CCDC107: variants seen among roughly 807,000 people sequenced by gnomAD.
The protein encoded by CCDC107 is coiled-coil domain containing 107.
CCDC107 carries 17 observed loss-of-function variants against 17.9 expected under a neutral mutation model. The ratio of observed to expected loss-of-function variants is 0.95; its 90% CI spans 0.65 to 1.42. CCDC107 has a LOEUF of 1.42. Among genes scored for constraint, CCDC107 ranks in the 40% most tolerant of loss-of-function variants. The probability of loss-of-function intolerance (pLI) is 0.00; values close to 1 mark genes in which losing one functional copy is unlikely to be tolerated. For synonymous variants in CCDC107, 170 were observed against 157.2 expected, an observed-to-expected ratio of 1.08 and a Z score of -0.61; for missense variants, 388 against 360.1, an observed-to-expected ratio of 1.08 and a Z score of -0.63.
At chr9:35,658,851 C>G (rs1357866387) in intron 2 of CCDC107, 124 bp downstream of exon 2, 1 of 544,684 alleles carries the variant, frequency 1.8e-6, no homozygotes, top group African/African-American at 2.0e-5. Flanking sequence ...GCTTCCCTGT[C>G]TGTAAAATAA....
intron 2 of CCDC107, chr9:35,658,961 A>G (rs1247680406): frequency 8.0e-5 from 32 of 400,154 alleles, no homozygotes; most frequent in Non-Finnish European, 4.5e-6. Context: ...AATAATGACT[A>G]TCACATTTAG....
Position 35,661,095 on chromosome 9 carries a change from A to G in CCDC107, c.760A>G (p.Ser254Gly). 2.5e-6 allele frequency: 4 copies of G among 1,614,200 alleles called. No homozygotes were observed. The highest frequency in any genetic ancestry group is 1.7e-4 in the Middle Eastern group (1 of 6,058). Residue 254 changes from serine (S) to glycine (G), a missense_variant, in exon 5 of 5, where the codon AGC becomes GGC. Ser to Gly is a moderately conservative substitution (Grantham distance 56). Coordinates refer to ENST00000426546, the MANE Select transcript of CCDC107 (RefSeq NM_174923.3). Reference sequence around the variant, plus strand: ...GGGGCGGGGACTACGGAGAAGGTGCAGCCAGGCTGTGGCAAAGGGCCCCAG... The same window carrying G: ...GGGGCGGGGACTACGGAGAAGGTGCGGCCAGGCTGTGGCAAAGGGCCCCAG... Reference protein sequence around the residue: ...EVGRGLRRRCSQAVAKGPSHS... With the variant: ...EVGRGLRRRCGQAVAKGPSHS...
At position 35,660,843 on chromosome 9, in the gene CCDC107, G is replaced by A. The variant is rs764380931; in HGVS notation, c.508G>A (p.Glu170Lys). The change falls in exon 5 of 5, where the codon GAG becomes AAG. Residue 170 changes from glutamate (E) to lysine (K), a missense_variant. Coordinates refer to ENST00000426546, the MANE Select transcript of CCDC107 (RefSeq NM_174923.3). ...LQDSKPDKDM[E>K]ASEPGEGSGG... ...AGATAGCAAGCCGGACAAGGATATGGAGGCTTCAGAACCAGGTGAAGGCTC... is the reference window on the plus strand; with the variant it reads ...AGATAGCAAGCCGGACAAGGATATGAAGGCTTCAGAACCAGGTGAAGGCTC... The A allele has an allele frequency of 8.9e-5, 143 of 1,614,068 alleles. 1 individual carries two copies. In the South Asian group the frequency reaches 1.2e-3, roughly 13 times the overall value.
chr9:35,658,433 G>T lies in CCDC107; in HGVS notation c.54G>T (p.Ala18=). 1 of 1,465,114 alleles carries T rather than the reference G, an allele frequency of 6.8e-7. No individual in the cohort carries two copies. Among genetic ancestry groups the T allele is most frequent in the South Asian group, 1.3e-5 (1 of 74,212 alleles). 90.8% of individuals were successfully genotyped at this position (1,465,114 alleles called of 1,614,324 possible). A position where few individuals can be genotyped will look rare whatever the true frequency, so the allele number is the denominator to read the frequency against. ...LGVVGLLLVS[A]LSGVLGDRAN... ...TGGTGGGGCTGCTGCTTGTGTCTGC[G>T]CTGTCCGGGGTCCTAGGAGACCGCG... Residue 18 remains alanine (A), a synonymous_variant, in exon 1 of 5, where the codon GCG becomes GCT. Coordinates refer to ENST00000426546, the MANE Select transcript of CCDC107 (RefSeq NM_174923.3).
At position 35,660,362 on chromosome 9, in the gene CCDC107, T is replaced by C; in HGVS notation, c.259-39T>C. The C allele has an allele frequency of 2.6e-6, 4 of 1,529,908 alleles. No homozygotes were observed. The East Asian group carries it at 6.8e-5, about 26-fold the overall frequency. 94.8% of individuals were successfully genotyped at this position (1,529,908 alleles called of 1,614,324 possible). ...GAGACTGAGGTGATGGAGCAGAACC[T>C]TGTTGCTTCAGTACTGCCCTTTCCT... On this transcript the variant is annotated intron_variant, in intron 2 of 4. Transcript: ENST00000426546.
In CCDC107 at chr9:35,661,211, C is replaced by T. The variant is rs1321799374; in HGVS notation, c.*24C>T. The stretch of plus-strand genomic sequence containing the variant: ...GATGGAGTGCTCCTGTGTGTTTTTT[C>T]GATCCTAGTTGGTTGTACACACCCA... On this transcript the variant is annotated 3_prime_UTR_variant, in exon 5 of 5. Coordinates refer to ENST00000426546, the MANE Select transcript of CCDC107 (RefSeq NM_174923.3). 20 of 1,553,182 alleles carry T rather than the reference C, an allele frequency of 1.3e-5. No individual in the cohort carries two copies. Among genetic ancestry groups the T allele is most frequent in the South Asian group, 9.7e-5 (8 of 82,152 alleles).
Position 35,660,812 on chromosome 9 carries a change from G to A in CCDC107, c.477G>A (p.Leu159=). The change falls in exon 5 of 5, where the codon CTG becomes CTA. Residue 159 remains leucine (L), a synonymous_variant. Coordinates refer to ENST00000426546, the MANE Select transcript of CCDC107 (RefSeq NM_174923.3). ...TGAAGCTATGGACCATCCACGAGCT[G>A]CTGCAAGATAGCAAGCCGGACAAGG... The part of the protein sequence containing the change: ...LNMKLWTIHE[L]LQDSKPDKDM... The A allele has an allele frequency of 6.8e-6, 11 of 1,614,180 alleles. No homozygotes were observed. The highest frequency in any genetic ancestry group is 9.3e-6 in the Non-Finnish European group (11 of 1,180,044).
chr9:35,658,412 G>A lies in CCDC107; in HGVS notation c.33G>A (p.Val11=). Residue 11 remains valine (V), a synonymous_variant, in exon 1 of 5, where the codon GTG becomes GTA. Coordinates refer to ENST00000426546, the MANE Select transcript of CCDC107 (RefSeq NM_174923.3). ...GCGCAGTTTCGCTCTTGGGTGTGGT[G>A]GGGCTGCTGCTTGTGTCTGCGCTGT... MAGAVSLLGV[V]GLLLVSALSG... is the part of the protein sequence containing the mutation. The A allele has an allele frequency of 6.9e-7, 1 of 1,442,902 alleles. No individual in the cohort carries two copies. The highest frequency in any genetic ancestry group is 1.4e-5 in the South Asian group (1 of 70,146). The allele number at this position is 1,442,902 out of a possible 1,614,324, so 89.4% of individuals were successfully genotyped here. A position where few individuals can be genotyped will look rare whatever the true frequency, so the allele number is the denominator to read the frequency against.
At position 35,658,349 on chromosome 9, in the gene CCDC107, C is replaced by G; in HGVS notation, c.-31C>G. 1 of 1,347,548 alleles carries G rather than the reference C, an allele frequency of 7.4e-7. No individual in the cohort carries two copies. Among genetic ancestry groups the G allele is most frequent in the Non-Finnish European group, 9.5e-7 (1 of 1,048,238 alleles). The allele number at this position is 1,347,548 out of a possible 1,614,324, so 83.5% of individuals were successfully genotyped here. A position where few individuals can be genotyped will look rare whatever the true frequency, so the allele number is the denominator to read the frequency against. ...CCAATGCCGGACCGCTTCGGCACCGCCCGCCCGATCCCTCCACCCGTGGGC... is the reference window on the plus strand; with the variant it reads ...CCAATGCCGGACCGCTTCGGCACCGGCCGCCCGATCCCTCCACCCGTGGGC... On this transcript the variant is annotated 5_prime_UTR_variant, in exon 1 of 5. Transcript: ENST00000426546.
chr9:35,658,553 T>C lies in CCDC107; in HGVS notation c.107-23T>C, dbSNP rs1479471773. On this transcript the variant is annotated intron_variant, in intron 1 of 4. Coordinates refer to ENST00000426546, the MANE Select transcript of CCDC107 (RefSeq NM_174923.3). ...GGTCCCAGGCCCCAGCTCGGCTGAC[T>C]CGCCTGTATCCTCCCTCCGCAGGGA... 1.9e-6 allele frequency: 3 copies of C among 1,557,942 alleles called. No homozygotes were observed. The African/African-American group carries it at 4.2e-5, about 22-fold the overall frequency.
rs552268253 is a variant in CCDC107 at position 35,658,655 on chromosome 9, G to T, written c.186G>T (p.Arg62=). The change falls in exon 2 of 5, where the codon CGG becomes CGT. Residue 62 remains arginine (R), a synonymous_variant. Coordinates refer to ENST00000426546, the MANE Select transcript of CCDC107 (RefSeq NM_174923.3). ...TCAAGGATCAACGCGAGCGGACCCGGGCCGGGTCGCTGCCTCTGGGGGCGC... is the reference window on the plus strand; with the variant it reads ...TCAAGGATCAACGCGAGCGGACCCGTGCCGGGTCGCTGCCTCTGGGGGCGC... The part of the protein sequence containing the change: ...PPLKDQRERT[R]AGSLPLGALY... 8.2e-5 allele frequency: 129 copies of T among 1,574,636 alleles called. No homozygotes were observed. Among genetic ancestry groups the T allele is most frequent in the Non-Finnish European group, 1.1e-4 (127 of 1,166,186 alleles).
At chr9:35,658,914 G>C in intron 2 of CCDC107, 187 bp downstream of exon 2, 1 of 448,428 alleles carries the variant, frequency 2.2e-6, no homozygotes, top group Non-Finnish European at 3.9e-6. Flanking sequence ...GAGGATCCAG[G>C]GAGGTAACGG....
chr9:35,659,391 G>A (rs1042756629), intron 2 of CCDC107: 1 of 152,214 alleles, frequency 6.6e-6, no homozygotes, highest in African/African-American at 2.4e-5. Flanking sequence ...GGATAGACTA[G>A]TAAATTCTGT....
In CCDC107 at chr9:35,661,226, G is replaced by A; in HGVS notation, c.*39G>A. 1 of 1,467,018 alleles carries A rather than the reference G, an allele frequency of 6.8e-7. No homozygotes were observed. The highest frequency in any genetic ancestry group is 9.3e-7 in the Non-Finnish European group (1 of 1,071,048). The allele number at this position is 1,467,018 out of a possible 1,614,324, so 90.9% of individuals were successfully genotyped here. ...TGTGTTTTTTCGATCCTAGTTGGTT[G>A]TACACACCCATACTAGGTGCCTAAG... is the stretch of plus-strand genomic sequence containing the variant. On this transcript the variant is annotated 3_prime_UTR_variant, in exon 5 of 5. Transcript: ENST00000426546.
chr9:35,658,613 C>A lies in CCDC107; in HGVS notation c.144C>A (p.Pro48=). The stretch of plus-strand genomic sequence containing the variant: ...ACCCCGGCTCTGGAGCCACGGAACC[C>A]CGGCGGCGACCACCGCTCAAGGATC... ...AAHPGSGATE[P]RRRPPLKDQR... The change falls in exon 2 of 5, where the codon CCC becomes CCA. Residue 48 remains proline, a synonymous_variant. Coordinates refer to ENST00000426546, the MANE Select transcript of CCDC107 (RefSeq NM_174923.3). 1.3e-6 allele frequency: 2 copies of A among 1,577,178 alleles called. No homozygotes were observed. The highest frequency in any genetic ancestry group is 2.2e-5 in the South Asian group (2 of 90,000).
intron 2 of CCDC107, chr9:35,658,994 G>GTA (rs1823738448): frequency 3.0e-6 from 1 of 332,200 alleles, no homozygotes; most frequent in African/African-American, 2.1e-5. Context: ...CCAGTGAGGA[G>GTA]TAGTCACTTG....
intron 2 of CCDC107, 171 bp downstream of exon 2, chr9:35,658,898 T>G (rs1379401824): frequency 8.9e-6 from 4 of 449,972 alleles, no homozygotes; most frequent in African/African-American, 8.2e-5. Flanking sequence ...ATTATGAGGT[T>G]ATTTTGAGGA....
In CCDC107 at chr9:35,660,427, C is replaced by T. The variant is rs757111794; in HGVS notation, c.285C>T (p.His95=). ...GGAAAGATGAAACTGCGGTTCTCCA[C>T]GAGGAGGCAAGCAAGCAGCAGCCAC... ...LQGKDETAVL[H]EEASKQQPLQ... The change falls in exon 3 of 5, where the codon CAC becomes CAT. Residue 95 remains histidine (H), a synonymous_variant. Transcript: ENST00000426546. The T allele has an allele frequency of 8.1e-6, 13 of 1,610,678 alleles. No individual in the cohort carries two copies. Among genetic ancestry groups the T allele is most frequent in the Admixed American group, 1.7e-5 (1 of 59,562 alleles).
Position 35,658,329 on chromosome 9 carries a change from G to A in CCDC107, c.-51G>A. The A allele has an allele frequency of 4.6e-6, 6 of 1,311,130 alleles. No individual in the cohort carries two copies. In the South Asian group the frequency reaches 1.1e-4, roughly 24 times the overall value. 81.2% of individuals were successfully genotyped at this position (1,311,130 alleles called of 1,614,324 possible). Reference sequence around the variant, plus strand: ...GTGCGCGTTGGGGCGGCCGGCCAATGCCGGACCGCTTCGGCACCGCCCGCC... The same window carrying A: ...GTGCGCGTTGGGGCGGCCGGCCAATACCGGACCGCTTCGGCACCGCCCGCC... On this transcript the variant is annotated 5_prime_UTR_variant, in exon 1 of 5. An upstream start codon of the reference 5' UTR is lost. Coordinates refer to ENST00000426546, the MANE Select transcript of CCDC107 (RefSeq NM_174923.3).
Sources: allele counts gnomAD v4.1 joint callset, GRCh38; gene constraint gnomAD v4.1.1; transcripts MANE v1.5; gene names NCBI Gene and HGNC (gene_info 2026-07-23, HGNC 2026-07-21).